ZNF425: variants seen among roughly 807,000 people sequenced by gnomAD.
ZNF425 encodes zinc finger protein 425.
Under a neutral mutation model 17.0 loss-of-function variants are expected in ZNF425, and 21 were observed. The ratio of observed to expected loss-of-function variants is 1.23; its 90% CI spans 0.88 to 1.78. The LOEUF is 1.78. ZNF425 is among the 40% of genes most tolerant of loss of function. ZNF425 has a pLI of 0.00. For synonymous variants in ZNF425, 433 were observed against 384.1 expected (o/e 1.13, Z -1.49); for missense variants, 868 against 967.3 (o/e 0.90, Z 1.36).
intron 2 of ZNF425, among the ~76,000 whole-genome samples, chr7:149,115,366 G>GT (rs1372933136): frequency 1.3e-5 from 2 of 151,500 alleles, no homozygotes; most frequent in Non-Finnish European, 2.9e-5. Flanking sequence ...TAAAAGAAGG[G>GT]TTTTTTGCTG....
intron 2 of ZNF425, among the ~76,000 whole-genome samples, chr7:149,115,865 G>A (rs1382865271): frequency 1.3e-5 from 2 of 152,158 alleles, no homozygotes; most frequent in Non-Finnish European, 2.9e-5. Context: ...TCAAGTACTT[G>A]TGAAAAATGT....
intron 2 of ZNF425, among the ~76,000 whole-genome samples, chr7:149,112,740 A>G (rs987658333): frequency 1.1e-4 from 16 of 152,114 alleles, no homozygotes; most frequent in African/African-American, 3.4e-4. Context: ...ATCTTGGCTC[A>G]TTGCAACCTC....
rs1199053551 is a variant in ZNF425, at chr7:149,104,416, G to A, written c.1455C>T (p.Leu485=). The change falls in exon 4 of 4, where the codon CTC becomes CTT. Residue 485 remains leucine (L), a synonymous_variant. Transcript: ENST00000378061. The surrounding 1 kb of genome is among the most constrained non-coding windows in gnomAD (Gnocchi z 4.3). ...CGKRFTRPSK[L]ACHTRVHDRQ... is the part of the protein sequence containing the mutation. ...TGTCGTGGACTCTGGTGTGGCAGGC[G>A]AGCTTGGAAGGCCGCGTGAAGCGCT... 7 of 1,602,814 alleles carry A rather than the reference G, an allele frequency of 4.4e-6. No homozygotes were observed. Among genetic ancestry groups the A allele is most frequent in the South Asian group, 1.1e-5 (1 of 89,712 alleles).
At position 149,103,037 on chromosome 7, in the gene ZNF425, A is replaced by G. The variant is rs1004814538; in HGVS notation, c.*575T>C. 1.3e-5 allele frequency: 2 copies of G among 152,474 alleles called. No homozygotes were observed. Among genetic ancestry groups the G allele is most frequent in the African/African-American group, 4.8e-5 (2 of 41,466 alleles). 9.4% of individuals were successfully genotyped at this position (152,474 alleles called of 1,614,324 possible). A position where few individuals can be genotyped will look rare whatever the true frequency, so the allele number is the denominator to read the frequency against. ...AAGGGATTATTGGATGACACTGAAGAGATCGTTGGACTAGCAGATCAGTGT... is the reference window on the plus strand; with the variant it reads ...AAGGGATTATTGGATGACACTGAAGGGATCGTTGGACTAGCAGATCAGTGT... On this transcript the variant is annotated 3_prime_UTR_variant, in exon 4 of 4. Coordinates refer to ENST00000378061, the MANE Select transcript of ZNF425 (RefSeq NM_001001661.3).
Position 149,104,432 on chromosome 7 carries a change from G to T in ZNF425, c.1439C>A (p.Thr480Lys). The change falls in exon 4 of 4, where the codon ACG becomes AAG. Residue 480 changes from threonine to lysine, a missense_variant. Thr to Lys is a moderately conservative substitution (Grantham distance 78). Transcript: ENST00000378061. This position sits in a 1 kb window ranked among gnomAD's most constrained non-coding sequence, Gnocchi z 4.3. ...GTGGCAGGCGAGCTTGGAAGGCCGC[G>T]TGAAGCGCTTGCCGCACTCGGCGCA... ...FPCAECGKRF[T>K]RPSKLACHTR... The T allele has an allele frequency of 6.2e-7, 1 of 1,600,896 alleles. No individual in the cohort carries two copies. Among genetic ancestry groups the T allele is most frequent in the Non-Finnish European group, 8.5e-7 (1 of 1,174,334 alleles).
intron 1 of ZNF425, among the ~76,000 whole-genome samples, chr7:149,120,292 G>T (rs1447010509): frequency 6.6e-6 from 1 of 152,186 alleles, no homozygotes. Context: ...TGAGGCAGGA[G>T]AATTGCTTGA....
Position 149,115,456 on chromosome 7 carries a change from C to A in ZNF425, c.145+2766G>T, listed in dbSNP as rs187259349. On this transcript the variant is annotated intron_variant, in intron 2 of 3. Transcript: ENST00000378061. ...ATCACCTGAGGTCAGGAGTTCGAGACCACCCTGGCCAACATGACCACCCTG... is the reference window on the plus strand; with the variant it reads ...ATCACCTGAGGTCAGGAGTTCGAGAACACCCTGGCCAACATGACCACCCTG... Among the ~76,000 whole-genome samples, 12 of 138,668 alleles carry A rather than the reference C, an allele frequency of 8.7e-5. No individual in the cohort carries two copies. In the East Asian group the frequency reaches 2.4e-3, roughly 28 times the overall value. 91.0% of individuals were successfully genotyped at this position (138,668 alleles called of 152,430 possible). A position where few individuals can be genotyped will look rare whatever the true frequency, so the allele number is the denominator to read the frequency against.
chr7:149,114,012 TAA>T (rs35168465), intron 2 of ZNF425, among the ~76,000 whole-genome samples: 69,346 of 120,118 alleles, frequency 0.58, 20,442 homozygotes, highest in East Asian at 0.89. Flanking sequence ...AGACTCTGTC[TAA>T]AAAAAAAAAA....
chr7:149,122,818 C>T (rs1168085407), intron 1 of ZNF425, among the ~76,000 whole-genome samples: 3 of 152,148 alleles, frequency 2.0e-5, no homozygotes, highest in Admixed American at 6.5e-5. Context: ...GCCTCAGCCT[C>T]CTGAGTAGCT....
intron 1 of ZNF425, chr7:149,125,839 C>A (rs1336628917): frequency 2.4e-6 from 1 of 420,180 alleles, no homozygotes; most frequent in East Asian, 5.6e-5. Flanking sequence ...GTCCCCGCTC[C>A]CGAGAGGTCA....
At chr7:149,121,793 T>C (rs1432975894) in intron 1 of ZNF425, among the ~76,000 whole-genome samples, 1 of 152,118 alleles carries the variant, frequency 6.6e-6, no homozygotes, top group African/African-American at 2.4e-5. Context: ...AGGTGTATAG[T>C]GATCTCTAAC....
intron 1 of ZNF425, among the ~76,000 whole-genome samples, chr7:149,120,006 C>T (rs1826326572): frequency 6.6e-6 from 1 of 152,108 alleles, no homozygotes; most frequent in Non-Finnish European, 1.5e-5. Context: ...CTTGCGGATA[C>T]TGACAGACAA....
Position 149,103,485 on chromosome 7 carries a change from TG to T in ZNF425, c.*126del. The T allele has an allele frequency of 1.6e-6, 2 of 1,261,638 alleles. No homozygotes were observed. Among genetic ancestry groups the T allele is most frequent in the Non-Finnish European group, 2.1e-6 (2 of 938,868 alleles). The allele number at this position is 1,261,638 out of a possible 1,614,324, so 78.2% of individuals were successfully genotyped here. On this transcript the variant is annotated 3_prime_UTR_variant, in exon 4 of 4. Coordinates refer to ENST00000378061, the MANE Select transcript of ZNF425 (RefSeq NM_001001661.3). ...CTCCCACCTGGGCCTCCCAAAGTAA[TG>T]GGATTACAGGCGGGAGCCACTGTGC... is the stretch of plus-strand genomic sequence containing the variant.
At chr7:149,116,049 T>C (rs747692833) in intron 2 of ZNF425, among the ~76,000 whole-genome samples, 1 of 152,208 alleles carries the variant, frequency 6.6e-6, no homozygotes, top group Non-Finnish European at 1.5e-5. Flanking sequence ...ACAACAAGAC[T>C]GGATCAGCAC....
chr7:149,109,023 AAG>A (rs71192753), intron 3 of ZNF425, among the ~76,000 whole-genome samples: 151,831 of 151,832 alleles, frequency 1, 75,915 homozygotes, highest in Non-Finnish European at 1. Flanking sequence ...ACTATGTCCC[AAG>A]AGAGTAACAT....
intron 3 of ZNF425, among the ~76,000 whole-genome samples, chr7:149,111,150 A>T (rs117479697): frequency 0.055 from 8,247 of 151,294 alleles, 264 homozygotes; most frequent in Non-Finnish European, 0.068. Context: ...GTTTTTTTTT[A>T]AATAACATAT....
chr7:149,105,048 G>C lies in ZNF425; in HGVS notation c.823C>G (p.Pro275Ala), dbSNP rs759813986. 6.2e-7 allele frequency: 1 copy of C among 1,614,226 alleles called. No homozygotes were observed. The highest frequency in any genetic ancestry group is 8.5e-7 in the Non-Finnish European group (1 of 1,180,040). ...QVVHTGQRPY[P>A]CPECDKTFRY... ...AAGGTCTTGTCGCACTCAGGGCATG[G>C]GTAGGGCCGCTGGCCGGTGTGGACA... Residue 275 changes from proline (P) to alanine (A), a missense_variant, in exon 4 of 4, where the codon CCA becomes GCA. Physicochemically the swap from Pro to Ala is conservative, Grantham distance 27. Transcript: ENST00000378061.
chr7:149,122,456 T>C (rs1174211543), intron 1 of ZNF425, among the ~76,000 whole-genome samples: 1 of 151,924 alleles, frequency 6.6e-6, no homozygotes, highest in Non-Finnish European at 1.5e-5. Context: ...CTTTGTCAGA[T>C]ATGTGGTTTG....
At chr7:149,110,642 G>C (rs1826159762) in intron 3 of ZNF425, among the ~76,000 whole-genome samples, 2 of 151,156 alleles carry the variant, frequency 1.3e-5, no homozygotes, top group Non-Finnish European at 2.9e-5. Flanking sequence ...GAATTCAAAA[G>C]GAGTTTTAAA....
Sources: gnomAD v4.1 joint callset for allele counts (sites outside exome capture counted in the v4.1 genomes callset) on GRCh38, gnomAD v4.1.1 for gene constraint, Gnocchi (gnomAD v3.1) non-coding constraint, MANE v1.5 for transcripts, NCBI Gene and HGNC (gene_info 2026-07-23, HGNC 2026-07-21) for gene names.